TBC1D2: variants seen among roughly 807,000 people sequenced by gnomAD.
TBC1D2 encodes TBC1 domain family member 2A.
In TBC1D2, 58 loss-of-function variants were observed where a neutral mutation model predicts 91.1. That is an observed-to-expected ratio of 0.64 (90% CI 0.52 to 0.79). The LOEUF (loss-of-function observed/expected upper bound fraction) is 0.79. Among genes scored for constraint, TBC1D2 ranks in the 30% least tolerant of loss-of-function variants. The pLI is 0.00. For missense variants in TBC1D2, 1,080 were observed against 1,208.3 expected, an observed-to-expected ratio of 0.89 and a Z score of 1.57; for synonymous variants, 482 against 511.5, an observed-to-expected ratio of 0.94 and a Z score of 0.78.
At chr9:98,220,793 G>A (rs1236646341) in intron 6 of TBC1D2, 40 bp downstream of exon 6, 9 of 1,603,944 alleles carry the variant, frequency 5.6e-6, no homozygotes, top group Non-Finnish European at 6.8e-6. Context: ...CTGGGACAGA[G>A]GACCGGCAGG....
At chr9:98,254,845 A>G (rs557863095) in intron 1 of TBC1D2, among the ~76,000 whole-genome samples, 55 of 152,272 alleles carry the variant, frequency 3.6e-4, no homozygotes, top group Non-Finnish European at 6.3e-4. Flanking sequence ...GGCACACCCA[A>G]AAGTAAAAGT....
rs1219169426 is a variant in TBC1D2 at position 98,209,077 on chromosome 9, T to C, written c.1741A>G (p.Lys581Glu). The change falls in exon 9 of 13, where the codon AAG becomes GAG. Residue 581 changes from lysine to glutamate, a missense_variant. By Grantham distance (56) the Lys-to-Glu change is moderately conservative. Coordinates refer to ENST00000465784, the MANE Select transcript of TBC1D2 (RefSeq NM_001267571.2). ...GATCGTGACTCCAATGCCTGGATCTTGGCCAGCAGCTTCAGGTCTTCCACC... is the reference window on the plus strand; with the variant it reads ...GATCGTGACTCCAATGCCTGGATCTCGGCCAGCAGCTTCAGGTCTTCCACC... ...YEVEDLKLLA[K>E]IQALESRSHH... 1.2e-6 allele frequency: 2 copies of C among 1,614,134 alleles called. No homozygotes were observed. The highest frequency in any genetic ancestry group is 2.2e-5 in the East Asian group (1 of 44,874).
intron 6 of TBC1D2, among the ~76,000 whole-genome samples, chr9:98,214,050 G>A (rs1401329419): frequency 2.6e-5 from 4 of 152,192 alleles, no homozygotes; most frequent in Non-Finnish European, 4.4e-5. Flanking sequence ...TACAGAAGCC[G>A]TTCAGTCACG....
intron 6 of TBC1D2, 81 bp downstream of exon 6, chr9:98,220,752 T>G (rs1316149256): frequency 6.4e-7 from 1 of 1,554,368 alleles, no homozygotes; most frequent in Non-Finnish European, 8.7e-7. Context: ...TAGCAAACCC[T>G]TAGGGGTGGA....
chr9:98,210,740 T>C lies in TBC1D2; in HGVS notation c.1589A>G (p.Glu530Gly). 1 of 1,585,624 alleles carries C rather than the reference T, an allele frequency of 6.3e-7. No individual in the cohort carries two copies. Among genetic ancestry groups the C allele is most frequent in the Non-Finnish European group, 8.6e-7 (1 of 1,165,728 alleles). Residue 530 changes from glutamate (E) to glycine (G), a missense_variant, in exon 8 of 13, where the codon GAG becomes GGG. Coordinates refer to ENST00000465784, the MANE Select transcript of TBC1D2 (RefSeq NM_001267571.2). ...CTCCTGGACAAGCTGCCTCAGCAGC[T>C]CTGAGCACTCGCTGGCTTCGTCCCC... ...ALGDEASECS[E>G]LLRQLVQEAL...
chr9:98,200,121 A>G, intron 12 of TBC1D2, 132 bp downstream of exon 12: 2 of 1,339,266 alleles, frequency 1.5e-6, no homozygotes, highest in Non-Finnish European at 2.0e-6. Context: ...ACTTCCCCAA[A>G]GATTTCTAAG....
rs1419325941 is a variant in TBC1D2, at chr9:98,228,942, C to A, written c.978+10G>T. The stretch of plus-strand genomic sequence containing the variant: ...CTGGAACCTGGGGCCTCCCTGGGAC[C>A]AGACCTCACCTTCTGAGACTTTAAC... On this transcript the variant is annotated intron_variant, in intron 5 of 12. Coordinates refer to ENST00000465784, the MANE Select transcript of TBC1D2 (RefSeq NM_001267571.2). This position sits in a 1 kb window ranked among gnomAD's most constrained non-coding sequence, Gnocchi z 4.0. The A allele has an allele frequency of 1.9e-6, 3 of 1,612,114 alleles. No individual in the cohort carries two copies. Among genetic ancestry groups the A allele is most frequent in the African/African-American group, 2.7e-5 (2 of 74,882 alleles).
chr9:98,232,342 G>GTTTTT (rs753455224), intron 4 of TBC1D2, among the ~76,000 whole-genome samples: 2 of 86,774 alleles, frequency 2.3e-5, no homozygotes, highest in Admixed American at 2.4e-4. Context: ...CTCTTTTTCT[G>GTTTTT]TTTTTTTTTT....
In TBC1D2 at chr9:98,255,274, A is replaced by C. The variant is rs141348880; in HGVS notation, c.268T>G (p.Leu90Val). The C allele has an allele frequency of 2.0e-4, 328 of 1,614,226 alleles. 1 individual carries two copies. The African/African-American group carries it at 4.1e-3, about 20-fold the overall frequency. The change falls in exon 1 of 13, where the codon TTG becomes GTG. Residue 90 changes from leucine to valine, a missense_variant. Leu to Val is a conservative substitution (Grantham distance 32). Transcript: ENST00000465784. ...YSRTAQDANP[L>V]DSIDLSSAVF... ...GCACTGGAGAGGTCGATGCTGTCCA[A>C]GGGATTGGCATCCTGAGCGGTCCGC...
rs762326095 is a variant in TBC1D2 at position 98,209,055 on chromosome 9, C to G, written c.1763G>C (p.Arg588Pro). The change falls in exon 9 of 13, where the codon CGA becomes CCA. Residue 588 changes from arginine to proline, a missense_variant. Arg to Pro is a moderately radical substitution (Grantham distance 103). Transcript: ENST00000465784. ...LLAKIQALESRSHHLLGLEAV... is the reference protein window; with the variant it reads ...LLAKIQALESPSHHLLGLEAV... ...CTCGAGGCCCAGCAGGTGGTGGGAT[C>G]GTGACTCCAATGCCTGGATCTTGGC... 6.2e-7 allele frequency: 1 copy of G among 1,614,034 alleles called. No homozygotes were observed. Among genetic ancestry groups the G allele is most frequent in the Non-Finnish European group, 8.5e-7 (1 of 1,180,034 alleles).
intron 3 of TBC1D2, among the ~76,000 whole-genome samples, chr9:98,239,344 C>A (rs899882110): frequency 6.6e-6 from 1 of 152,204 alleles, no homozygotes; most frequent in East Asian, 1.9e-4. Context: ...AGATCCACTG[C>A]GCCTGGCCCT....
intron 5 of TBC1D2, among the ~76,000 whole-genome samples, chr9:98,227,781 C>CAA (rs142610908): frequency 3.8e-5 from 4 of 106,030 alleles, no homozygotes; most frequent in Non-Finnish European, 4.0e-5. Flanking sequence ...GACTCTGTCT[C>CAA]AAAAAAAAAA....
rs954035223 is a variant in TBC1D2, at chr9:98,228,489, C to T, written c.978+463G>A. 5.8e-4 allele frequency among the ~76,000 whole-genome samples: 89 copies of T among 152,304 alleles called. No homozygotes were observed. The highest frequency in any genetic ancestry group is 2.1e-3 in the African/African-American group (87 of 41,566). On this transcript the variant is annotated intron_variant, in intron 5 of 12. Coordinates refer to ENST00000465784, the MANE Select transcript of TBC1D2 (RefSeq NM_001267571.2). The surrounding 1 kb of genome is among the most constrained non-coding windows in gnomAD (Gnocchi z 4.0). The stretch of plus-strand genomic sequence containing the variant: ...GTTTCTGTGTTGGTCCTGGCTTAGC[C>T]CTGGGCCACACACATGCTGCTTGTT...
At chr9:98,243,822 C>T (rs1829704110) in intron 3 of TBC1D2, among the ~76,000 whole-genome samples, 172 bp downstream of exon 3, 2 of 152,190 alleles carry the variant, frequency 1.3e-5, no homozygotes, top group Admixed American at 6.5e-5. Context: ...TAGGCATAAG[C>T]CACCACACCC....
chr9:98,234,661 GC>G (rs990525065), intron 3 of TBC1D2: 1 of 152,230 alleles, frequency 6.6e-6, no homozygotes, highest in Non-Finnish European at 1.5e-5. Context: ...AGTCATCCTT[GC>G]CTCTGTTTGC....
chr9:98,229,861 A>G (rs755609683), intron 4 of TBC1D2, among the ~76,000 whole-genome samples: 4 of 152,212 alleles, frequency 2.6e-5, no homozygotes, highest in African/African-American at 7.2e-5. Context: ...TGTGCTGTCT[A>G]TTGCTGCTTT....
At chr9:98,233,380 T>C (rs766968323) in intron 4 of TBC1D2, 36 bp downstream of exon 4, 1 of 1,590,174 alleles carries the variant, frequency 6.3e-7, no homozygotes, top group Non-Finnish European at 8.6e-7. Context: ...GAGGAGCTGG[T>C]CCCTGAAGGC....
At chr9:98,204,377 A>C (rs939425626) in intron 9 of TBC1D2, among the ~76,000 whole-genome samples, 2 of 152,132 alleles carry the variant, frequency 1.3e-5, no homozygotes, top group African/African-American at 4.8e-5. Context: ...GCTGACTCTA[A>C]CCCAGGGTCG....
In TBC1D2 at chr9:98,232,236, G is replaced by A. The variant is rs554785878; in HGVS notation, c.781+1180C>T. Among the ~76,000 whole-genome samples the A allele has an allele frequency of 1.1e-3, 161 of 152,062 alleles. 1 individual carries two copies. Among genetic ancestry groups the A allele is most frequent in the African/African-American group, 3.7e-3 (152 of 41,490 alleles). ...GTGTTATGATGATGGTGACTCATCCGATATAGCACTGGCCTTCTCTTGGAC... is the reference window on the plus strand; with the variant it reads ...GTGTTATGATGATGGTGACTCATCCAATATAGCACTGGCCTTCTCTTGGAC... On this transcript the variant is annotated intron_variant, in intron 4 of 12. Coordinates refer to ENST00000465784, the MANE Select transcript of TBC1D2 (RefSeq NM_001267571.2).
Sources: allele counts gnomAD v4.1 joint callset (sites outside exome capture counted in the v4.1 genomes callset), GRCh38; gene constraint gnomAD v4.1.1; non-coding constraint Gnocchi (gnomAD v3.1); transcripts MANE v1.5; gene names NCBI Gene and HGNC (gene_info 2026-07-23, HGNC 2026-07-21).